RBM41: variants seen among roughly 807,000 people sequenced by gnomAD.
The protein encoded by RBM41 is RNA-binding protein 41.
In RBM41, 14 loss-of-function variants were observed where a neutral mutation model predicts 30.8. The ratio of observed to expected loss-of-function variants is 0.45; its 90% CI spans 0.30 to 0.71. RBM41 has a LOEUF of 0.71. Ranked by LOEUF, RBM41 falls within the 30% of genes least tolerant of loss-of-function variation. The pLI is 0.08. For missense variants in RBM41, 276 were observed against 326.3 expected (o/e 0.85, Z 1.19); for synonymous variants, 120 against 110.1 (o/e 1.09, Z -0.56).
intron 6 of RBM41, among the ~76,000 whole-genome samples, chrX:107,088,017 T>TGTG (rs1922194170): frequency 8.9e-6 from 1 of 112,339 alleles, no homozygotes; most frequent in Middle Eastern, 4.6e-3. Flanking sequence ...AGAAGACTCA[T>TGTG]GTGGTAGCAT....
At chrX:107,052,950 T>G in the RBM41 span, among the ~76,000 whole-genome samples, 1 of 111,804 alleles carries the variant, frequency 8.9e-6, no homozygotes, top group East Asian at 2.8e-4. Flanking sequence ...ATAAACAGGT[T>G]CCCCCTCTTT....
At chrX:107,089,546 G>C (rs187629786) in intron 5 of RBM41, among the ~76,000 whole-genome samples, 1 of 111,914 alleles carries the variant, frequency 8.9e-6, no homozygotes, top group East Asian at 2.8e-4. Flanking sequence ...TAAAGTGTTC[G>C]ACAGTCACAT....
intron 5 of RBM41, among the ~76,000 whole-genome samples, chrX:107,111,750 A>G (rs1331815895): frequency 8.9e-6 from 1 of 111,861 alleles, no homozygotes; most frequent in Non-Finnish European, 1.9e-5. Context: ...TGAATCTTGA[A>G]GATATTATGC....
chrX:107,085,850 T>A (rs1285564), intron 6 of RBM41, among the ~76,000 whole-genome samples: 5,948 of 111,490 alleles, frequency 0.053, 406 homozygotes, highest in African/African-American at 0.19. Context: ...AAAATACCGA[T>A]AATCTGATAA....
chrX:107,105,655 G>A (rs1472559295), intron 5 of RBM41, among the ~76,000 whole-genome samples: 1 of 111,259 alleles, frequency 9.0e-6, no homozygotes, highest in African/African-American at 3.3e-5. Flanking sequence ...GCATGGTACT[G>A]GTACCAAAAC....
At chrX:107,073,538 T>A (rs1435554947) in intron 6 of RBM41, among the ~76,000 whole-genome samples, 1 of 111,785 alleles carries the variant, frequency 8.9e-6, no homozygotes, top group Non-Finnish European at 1.9e-5. Flanking sequence ...AGACTGTTGG[T>A]GGGACTGTAA....
chrX:107,060,489 G>A, downstream of RBM41, among the ~76,000 whole-genome samples: 1 of 111,023 alleles, frequency 9.0e-6, no homozygotes, highest in Non-Finnish European at 1.9e-5. Context: ...CCCCTCTGGA[G>A]GATGTAGCAA....
At chrX:107,112,525 T>C (rs1427534878) in intron 5 of RBM41, among the ~76,000 whole-genome samples, 1 of 111,401 alleles carries the variant, frequency 9.0e-6, no homozygotes, top group Non-Finnish European at 1.9e-5. Flanking sequence ...GTAATCCCAC[T>C]TCTAGATATT....
intron 6 of RBM41, among the ~76,000 whole-genome samples, chrX:107,087,033 G>A (rs934632389): frequency 1.8e-5 from 2 of 111,380 alleles, no homozygotes; most frequent in Non-Finnish European, 3.8e-5. Flanking sequence ...ATATAAAAAC[G>A]TGCACAGGAA....
intron 5 of RBM41, among the ~76,000 whole-genome samples, chrX:107,105,152 T>C (rs1283489949): frequency 8.9e-6 from 1 of 111,743 alleles, no homozygotes; most frequent in African/African-American, 3.3e-5. Flanking sequence ...CTTAAGCTGA[T>C]AGGCAATTTC....
At position 107,063,191 on chromosome X, in the gene RBM41, T is replaced by C. The variant is rs191993941; in HGVS notation, c.*4336A>G. On this transcript the variant is annotated 3_prime_UTR_variant, in exon 8 of 8. Transcript: ENST00000685964. The stretch of plus-strand genomic sequence containing the variant: ...AAGAAACTTCATACACTTCAACTGT[T>C]ACCCCCAGCCCTTCCCATTCCCCCC... 9.9e-4 allele frequency among the ~76,000 whole-genome samples: 110 copies of C among 111,381 alleles called. No homozygotes were observed. The highest frequency in any genetic ancestry group is 3.4e-3 in the African/African-American group (105 of 30,708).
chrX:107,069,261 A>G lies in RBM41; in HGVS notation c.1141T>C (p.Phe381Leu), dbSNP rs781473260. ...TCTGGATGAAACTACTTACTGGGAA[A>G]GGTGATAAAAGCCTGGCCCCTCATT... The part of the protein sequence containing the change: ...GRMRGQAFIT[F>L]PNKEIAWQAL... Residue 381 changes from phenylalanine (F) to leucine (L), a missense_variant, in exon 7 of 8, where the codon TTT becomes CTT. Physicochemically the swap from Phe to Leu is conservative, Grantham distance 22. Transcript: ENST00000685964. The G allele has an allele frequency of 2.5e-6, 3 of 1,202,404 alleles. No homozygotes were observed. Among genetic ancestry groups the G allele is most frequent in the East Asian group, 3.0e-5 (1 of 33,756 alleles).
In RBM41 at chrX:107,062,094, A is replaced by T. The variant is rs139796596; in HGVS notation, c.*5433T>A. On this transcript the variant is annotated 3_prime_UTR_variant, in exon 8 of 8. Transcript: ENST00000685964. ...ATTCCAACCTTAACCCCTGACATCC[A>T]CTGAAGTTTTTTCTCCATCCCTATT... 9.4e-3 allele frequency among the ~76,000 whole-genome samples: 1,054 copies of T among 111,834 alleles called. 14 individuals are homozygous for T. The highest frequency in any genetic ancestry group is 0.032 in the African/African-American group (990 of 30,809).
rs1935849740 is a variant in RBM41 at position 107,066,622 on chromosome X, T to C, written c.*905A>G. 3 of 570,897 alleles carry C rather than the reference T, an allele frequency of 5.3e-6. No individual in the cohort carries two copies. The highest frequency in any genetic ancestry group is 6.3e-6 in the Non-Finnish European group (3 of 474,165). 47.0% of individuals were successfully genotyped at this position (570,897 alleles called of 1,213,427 possible). The stretch of plus-strand genomic sequence containing the variant: ...TAAGTGACTTGCCAAGGTCATAGAA[T>C]GTTAAGTGTGGCTGTACAGGTCTGA... On this transcript the variant is annotated 3_prime_UTR_variant, in exon 8 of 8. Transcript: ENST00000685964.
At chrX:107,059,175 C>T (rs948279398), downstream of RBM41, among the ~76,000 whole-genome samples, 3 of 111,250 alleles carry the variant, frequency 2.7e-5, no homozygotes, top group African/African-American at 6.6e-5. Context: ...GCCCTTCTGA[C>T]TTAATTATCT....
Position 107,065,679 on chromosome X carries a change from T to A in RBM41, c.*1848A>T, listed in dbSNP as rs920921823. ...ATTTCCTATTTCACGTTCTCTCCAT[T>A]TGTTCCTGTGGATTTGTCTTACCAT... On this transcript the variant is annotated 3_prime_UTR_variant, in exon 8 of 8. Coordinates refer to ENST00000685964, the MANE Select transcript of RBM41 (RefSeq NM_001324242.2). The A allele has an allele frequency of 9.3e-7, 1 of 1,075,227 alleles. No homozygotes were observed. Among genetic ancestry groups the A allele is most frequent in the Non-Finnish European group, 1.2e-6 (1 of 814,655 alleles). 88.6% of individuals were successfully genotyped at this position (1,075,227 alleles called of 1,213,427 possible).
intron 6 of RBM41, among the ~76,000 whole-genome samples, chrX:107,070,635 A>G (rs926773728): frequency 1.8e-5 from 2 of 111,906 alleles, no homozygotes; most frequent in African/African-American, 6.5e-5. Flanking sequence ...AGAGAACACA[A>G]CAAACATAAA....
At chrX:107,077,849 T>C (rs998199462) in intron 6 of RBM41, among the ~76,000 whole-genome samples, 3 of 111,753 alleles carry the variant, frequency 2.7e-5, no homozygotes, top group Non-Finnish European at 5.6e-5. Flanking sequence ...TTTGGATTTA[T>C]AGAAAAATTG....
intron 6 of RBM41, 40 bp downstream of exon 6, chrX:107,088,396 C>T (rs748962604): frequency 6.2e-5 from 71 of 1,146,601 alleles, no homozygotes; most frequent in Admixed American, 2.2e-4. Context: ...TAAATAAAAG[C>T]GAAATCAACC....
Sources: gnomAD v4.1 joint callset for allele counts (sites outside exome capture counted in the v4.1 genomes callset) on GRCh38, gnomAD v4.1.1 for gene constraint, MANE v1.5 for transcripts, NCBI Gene and HGNC (gene_info 2026-07-23, HGNC 2026-07-21) for gene names.